Variants in RIGI observed in about 807,000 individuals in gnomAD.
RIGI encodes the protein RNA sensor RIG-I, also known as antiviral innate immune response receptor RIG-I.
chr9:32,466,376 C>CT, the RIGI span: 1 of 1,613,612 alleles, frequency 6.2e-7, no homozygotes, highest in Non-Finnish European at 8.5e-7. Context: ...TTTATTTGTT[C>CT]TTTTTCAATT....
At chr9:32,466,754 G>C in the RIGI span, among the ~76,000 whole-genome samples, 1 of 142,774 alleles carries the variant, frequency 7.0e-6, no homozygotes, top group Non-Finnish European at 1.5e-5. Context: ...TGTTAAATAT[G>C]TGGAAAAACT....
chr9:32,472,994 G>T, the RIGI span: 1 of 1,608,548 alleles, frequency 6.2e-7, no homozygotes, highest in South Asian at 1.1e-5. Flanking sequence ...GATTTGTTTT[G>T]CCACGTCCAG....
chr9:32,525,838 C>G, the RIGI span, among the ~76,000 whole-genome samples: 2 of 152,160 alleles, frequency 1.3e-5, no homozygotes, highest in African/African-American at 2.4e-5. Flanking sequence ...GATGAGCACC[C>G]TTAAGCAAGT....
At chr9:32,506,912 T>A in the RIGI span, among the ~76,000 whole-genome samples, 1 of 152,232 alleles carries the variant, frequency 6.6e-6, no homozygotes. Context: ...TAAATTCTGA[T>A]TAAAAGCTTA....
At chr9:32,510,706 CATA>C in the RIGI span, among the ~76,000 whole-genome samples, 1 of 152,168 alleles carries the variant, frequency 6.6e-6, no homozygotes, top group Admixed American at 6.5e-5. Flanking sequence ...CAGCTAGCAT[CATA>C]ATGACAGGAT....
the RIGI span, among the ~76,000 whole-genome samples, chr9:32,517,845 C>T: frequency 6.6e-6 from 1 of 152,120 alleles, no homozygotes; most frequent in Admixed American, 6.5e-5. Flanking sequence ...CAGAAATAAT[C>T]TAGATAAACT....
chr9:32,459,610 A>G, the RIGI span: 4 of 1,155,426 alleles, frequency 3.5e-6, no homozygotes, highest in Admixed American at 3.0e-5. Context: ...ATGCACGCAC[A>G]TGTATAATCA....
chr9:32,525,959 G>T, the RIGI span: 1 of 929,614 alleles, frequency 1.1e-6, no homozygotes, highest in Non-Finnish European at 1.7e-6. Flanking sequence ...AACCTGGGGA[G>T]TCTGGCAGGC....
the RIGI span, among the ~76,000 whole-genome samples, chr9:32,475,193 C>T: frequency 0.16 from 24,672 of 152,006 alleles, 2,144 homozygotes; most frequent in Non-Finnish European, 0.21. Context: ...TTCAAGTGAT[C>T]CGCCCGCCTC....
At chr9:32,500,991 A>G in the RIGI span, 3 of 1,595,562 alleles carry the variant, frequency 1.9e-6, no homozygotes, top group Admixed American at 1.8e-5. Context: ...ATTAATCATT[A>G]GAAGAAAAAC....
At chr9:32,457,124 A>T in the RIGI span, 55 of 1,612,028 alleles carry the variant, frequency 3.4e-5, 2 homozygotes, top group South Asian at 6.0e-4. Context: ...ACCTGATATC[A>T]TTTGGACATT....
the RIGI span, chr9:32,489,401 A>G: frequency 1.9e-6 from 3 of 1,613,584 alleles, no homozygotes; most frequent in Admixed American, 5.0e-5. Context: ...GCAAGCTCTA[A>G]TTGGTAATTT....
chr9:32,485,991 C>A, the RIGI span, among the ~76,000 whole-genome samples: 2 of 152,202 alleles, frequency 1.3e-5, no homozygotes, highest in African/African-American at 2.4e-5. Context: ...ACTGATCCTA[C>A]CATTTATCAA....
chr9:32,501,122 C>G, the RIGI span, among the ~76,000 whole-genome samples: 1 of 152,008 alleles, frequency 6.6e-6, no homozygotes. Context: ...CATTCTTCAC[C>G]AAGCCACTCT....
the RIGI span, among the ~76,000 whole-genome samples, chr9:32,476,419 C>T: frequency 3.8e-3 from 579 of 152,042 alleles, 2 homozygotes; most frequent in African/African-American, 0.013. Context: ...GTGGGAGAAT[C>T]GCTTGAGTTT....
chr9:32,482,664 C>T, the RIGI span, among the ~76,000 whole-genome samples: 9,428 of 151,958 alleles, frequency 0.062, 903 homozygotes, highest in African/African-American at 0.21. Context: ...ATTGAGATCA[C>T]CCTGGCCAAC....
the RIGI span, among the ~76,000 whole-genome samples, chr9:32,482,187 TTGTGTG>T: frequency 1.9e-3 from 281 of 145,054 alleles, no homozygotes; most frequent in East Asian, 5.7e-3. Context: ...GTGTGTTTGT[TTGTGTG>T]TGTGTGTGTG....
chr9:32,508,462 G>A, the RIGI span, among the ~76,000 whole-genome samples: 1 of 151,766 alleles, frequency 6.6e-6, no homozygotes, highest in African/African-American at 2.4e-5. Context: ...GCTGAAGCAG[G>A]GTAGGGTGTC....
chr9:32,500,819 G>A, the RIGI span: 1 of 1,614,064 alleles, frequency 6.2e-7, no homozygotes, highest in Non-Finnish European at 8.5e-7. Flanking sequence ...ATGGTCTAGG[G>A]CATCCAAAAA....
Sources: gnomAD v4.1 joint callset for allele counts (sites outside exome capture counted in the v4.1 genomes callset) on GRCh38, gnomAD v4.1.1 for gene constraint, MANE v1.5 for transcripts, NCBI Gene and HGNC (gene_info 2026-07-23, HGNC 2026-07-21) for gene names.